Variants in OSBPL8 observed in about 807,000 individuals in gnomAD.
The protein encoded by OSBPL8 is oxysterol-binding protein-related protein 8.
Under a neutral mutation model 125.5 loss-of-function variants are expected in OSBPL8, and 59 were observed. That is an observed-to-expected ratio of 0.47 (90% CI 0.38 to 0.58). The LOEUF is 0.58. Ranked by LOEUF, OSBPL8 falls within the 20% of genes least tolerant of loss-of-function variation. The probability of loss-of-function intolerance (pLI) is 0.00; values close to 1 mark genes in which losing one functional copy is unlikely to be tolerated. For synonymous variants in OSBPL8, 330 were observed against 338.9 expected, an observed-to-expected ratio of 0.97 and a Z score of 0.29; for missense variants, 758 against 1,047.8, an observed-to-expected ratio of 0.72 and a Z score of 3.82.
At position 76,355,718 on chromosome 12, in the gene OSBPL8, T is replaced by C. The variant is rs1951958691; in HGVS notation, c.*171A>G. On this transcript the variant is annotated 3_prime_UTR_variant, in exon 24 of 24. Coordinates refer to ENST00000261183, the MANE Select transcript of OSBPL8 (RefSeq NM_020841.5). The stretch of plus-strand genomic sequence containing the variant: ...CTTTAATAATCAAATAGGATAGCTC[T>C]TGTTTCAGTGTGAAGATAAAAGATA... 1.6e-6 allele frequency: 1 copy of C among 639,040 alleles called. No homozygotes were observed. The highest frequency in any genetic ancestry group is 2.2e-5 in the South Asian group (1 of 45,392). 39.6% of individuals were successfully genotyped at this position (639,040 alleles called of 1,614,324 possible). A position where few individuals can be genotyped will look rare whatever the true frequency, so the allele number is the denominator to read the frequency against.
intron 4 of OSBPL8, among the ~76,000 whole-genome samples, chr12:76,420,443 C>T (rs1210325846): frequency 6.6e-6 from 1 of 151,982 alleles, no homozygotes; most frequent in Non-Finnish European, 1.5e-5. Context: ...CTAAATAAAA[C>T]AAACACATTG....
chr12:76,524,942 C>T (rs973229910), intron 1 of OSBPL8, among the ~76,000 whole-genome samples: 3 of 152,126 alleles, frequency 2.0e-5, no homozygotes, highest in Non-Finnish European at 4.4e-5. Flanking sequence ...CCTCAGCCTC[C>T]CAAAGTGCTG....
intron 4 of OSBPL8, among the ~76,000 whole-genome samples, chr12:76,422,164 A>G (rs965152802): frequency 6.6e-6 from 1 of 152,118 alleles, no homozygotes; most frequent in African/African-American, 2.4e-5. Flanking sequence ...CATTTGGTAA[A>G]CCCTCAGAGC....
intron 23 of OSBPL8, 72 bp downstream of exon 23, chr12:76,356,553 TG>T (rs1488207396): frequency 8.7e-6 from 8 of 921,236 alleles, no homozygotes; most frequent in Non-Finnish European, 8.4e-6. Flanking sequence ...AGTCTGCATA[TG>T]ATTTCCCATA....
At chr12:76,363,774 A>G (rs1381719241) in intron 21 of OSBPL8, among the ~76,000 whole-genome samples, 1 of 152,244 alleles carries the variant, frequency 6.6e-6, no homozygotes, top group African/African-American at 2.4e-5. Context: ...ACAAAGGCTA[A>G]TATCCAGAAT....
chr12:76,412,287 T>G (rs534227987), intron 4 of OSBPL8, among the ~76,000 whole-genome samples: 2 of 152,136 alleles, frequency 1.3e-5, no homozygotes, highest in South Asian at 2.1e-4. Context: ...GCGTTAGAGG[T>G]TGGAACAGTA....
chr12:76,419,000 C>G (rs1433592245), intron 4 of OSBPL8, among the ~76,000 whole-genome samples: 1 of 152,076 alleles, frequency 6.6e-6, no homozygotes, highest in Non-Finnish European at 1.5e-5. Flanking sequence ...CTTTGGGAGG[C>G]TGAGGCAGGC....
At chr12:76,554,840 C>A (rs1254078475) in intron 1 of OSBPL8, among the ~76,000 whole-genome samples, 1 of 152,064 alleles carries the variant, frequency 6.6e-6, no homozygotes, top group African/African-American at 2.4e-5. Flanking sequence ...CATTTGATGA[C>A]TCTTCTTAGT....
intron 2 of OSBPL8, among the ~76,000 whole-genome samples, chr12:76,485,170 G>A (rs539601347): frequency 2.0e-5 from 3 of 152,022 alleles, no homozygotes; most frequent in African/African-American, 4.8e-5. Context: ...TGATCCACCC[G>A]CCTCAGCCTC....
At chr12:76,529,710 A>G (rs927043543) in intron 1 of OSBPL8, among the ~76,000 whole-genome samples, 3 of 152,198 alleles carry the variant, frequency 2.0e-5, no homozygotes, top group African/African-American at 7.2e-5. Context: ...GCTAAAGCAT[A>G]GTAAGCAATG....
At chr12:76,447,613 G>A (rs559699870) in intron 4 of OSBPL8, among the ~76,000 whole-genome samples, 14 of 151,818 alleles carry the variant, frequency 9.2e-5, no homozygotes, top group South Asian at 2.1e-4. Context: ...GCGCGATCTC[G>A]GCTCACTGCA....
chr12:76,438,569 T>A (rs1227888569), intron 4 of OSBPL8, among the ~76,000 whole-genome samples: 1 of 152,216 alleles, frequency 6.6e-6, no homozygotes, highest in Non-Finnish European at 1.5e-5. Flanking sequence ...CTGGCAAAAT[T>A]TGAAATATTT....
Position 76,535,091 on chromosome 12 carries a change from T to C in OSBPL8, c.-68+24306A>G, listed in dbSNP as rs183899798. On this transcript the variant is annotated intron_variant, in intron 1 of 23. Coordinates refer to ENST00000261183, the MANE Select transcript of OSBPL8 (RefSeq NM_020841.5). ...TTTGTAGACAAAAAAATTCTTAAGA[T>C]ATGCAAAAAATATAAACCATGAAAG... 5.6e-3 allele frequency among the ~76,000 whole-genome samples: 856 copies of C among 152,078 alleles called. 16 individuals are homozygous for C. Among genetic ancestry groups the C allele is most frequent in the African/African-American group, 0.02 (830 of 41,536 alleles).
chr12:76,393,428 C>T (rs374279774), intron 9 of OSBPL8, among the ~76,000 whole-genome samples: 4 of 151,904 alleles, frequency 2.6e-5, no homozygotes, highest in East Asian at 3.9e-4. Context: ...AAAAAATCAT[C>T]GGCCAGGCGC....
chr12:76,520,055 T>C (rs1407524170), intron 1 of OSBPL8, among the ~76,000 whole-genome samples: 2 of 152,120 alleles, frequency 1.3e-5, no homozygotes, highest in Non-Finnish European at 2.9e-5. Context: ...AACCCTCCTA[T>C]AAAATATCTC....
At chr12:76,407,064 T>C (rs1236216404) in intron 5 of OSBPL8, among the ~76,000 whole-genome samples, 1 of 152,158 alleles carries the variant, frequency 6.6e-6, no homozygotes, top group Non-Finnish European at 1.5e-5. Context: ...TTGGGAAAAG[T>C]TAAAATTGTT....
At chr12:76,525,523 C>T (rs1950148094) in intron 1 of OSBPL8, among the ~76,000 whole-genome samples, 2 of 137,914 alleles carry the variant, frequency 1.5e-5, no homozygotes, top group African/African-American at 6.0e-5. Context: ...AATGGTAACA[C>T]TGTAGATACA....
rs1486188852 is a variant in OSBPL8, at chr12:76,390,652, T to C, written c.935A>G (p.Asn312Ser). Reference sequence around the variant, plus strand: ...ATGTTGTCGTTCAATTTCACTATCATTTAACCTTAAGGGAAAGAATTTTTA... The same window carrying C: ...ATGTTGTCGTTCAATTTCACTATCACTTAACCTTAAGGGAAAGAATTTTTA... Reference protein sequence around the residue: ...NLHSGDNFQLNDSEIERQHFK... With the variant: ...NLHSGDNFQLSDSEIERQHFK... The change falls in exon 11 of 24, where the codon AAT becomes AGT. Residue 312 changes from asparagine (N) to serine (S), a missense_variant. Asn to Ser is a conservative substitution (Grantham distance 46). Around this residue, in one of 3 missense-constraint regions of OSBPL8, gnomAD observed 572 missense variants for 762.0 expected, o/e 0.75. Transcript: ENST00000261183. 5.6e-6 allele frequency: 9 copies of C among 1,604,192 alleles called. No homozygotes were observed. The Admixed American group carries it at 1.0e-4, about 18-fold the overall frequency.
chr12:76,367,231 T>TTGATTGGG (rs1952452525), intron 21 of OSBPL8, among the ~76,000 whole-genome samples: 1 of 148,404 alleles, frequency 6.7e-6, no homozygotes, highest in Non-Finnish European at 1.5e-5. Context: ...TGTTGATTGG[T>TTGATTGGG]GTGTGTGTGT....
Sources: gnomAD v4.1 joint callset for allele counts (sites outside exome capture counted in the v4.1 genomes callset) on GRCh38, gnomAD v4.1.1 for gene constraint, gnomAD v4.1.1 regional missense constraint, MANE v1.5 for transcripts, NCBI Gene and HGNC (gene_info 2026-07-23, HGNC 2026-07-21) for gene names.